The following ZNF18 variants were observed in gnomAD, a reference collection of about 807,000 sequenced individuals.
The protein encoded by ZNF18 is zinc finger protein 18, also known as heart development-specific gene 1 protein.
In ZNF18, 42 loss-of-function variants were observed where a neutral mutation model predicts 58.1. That is an observed-to-expected ratio of 0.72 (90% CI 0.56 to 0.93). ZNF18 has a LOEUF of 0.93. ZNF18 is among the 40% of genes least tolerant of loss of function. The pLI is 0.00. For missense variants in ZNF18, 540 were observed against 644.2 expected, an observed-to-expected ratio of 0.84 and a Z score of 1.75; for synonymous variants, 231 against 239.8, an observed-to-expected ratio of 0.96 and a Z score of 0.34.
At chr17:12,017,460 TGGTGACTGTTCCATCCAAATAGA>T in the ZNF18 span, among the ~76,000 whole-genome samples, 1 of 152,236 alleles carries the variant, frequency 6.6e-6, no homozygotes, top group East Asian at 1.9e-4. Context: ...ATGGAATATC[TGGTGACTGTTCCATCCAAATAGA>T]GGTGTCTGAC....
chr17:11,991,101 T>C lies in ZNF18; in HGVS notation c.450A>G (p.Gln150=). ...LSEKMESPSC[Q]VGEVEPHLEV... The stretch of plus-strand genomic sequence containing the variant: ...CAAGATGGGGCTCCACTTCCCCCAC[T>C]TGGCAGCTTGGAGATTCCATCTTCT... The change falls in exon 3 of 7, where the codon CAA becomes CAG. Residue 150 remains glutamine (Q), a synonymous_variant. Coordinates refer to ENST00000580306, the MANE Select transcript of ZNF18 (RefSeq NM_001303281.2). The C allele has an allele frequency of 1.2e-6, 2 of 1,614,162 alleles. No homozygotes were observed. The highest frequency in any genetic ancestry group is 1.7e-6 in the Non-Finnish European group (2 of 1,180,028).
chr17:11,997,975 G>A (rs975433446), upstream of ZNF18, among the ~76,000 whole-genome samples: 4 of 151,958 alleles, frequency 2.6e-5, no homozygotes, highest in African/African-American at 9.7e-5. Context: ...TGCATCCCCT[G>A]GGTCCTCTCC....
chr17:11,994,738 G>T (rs1968353059), intron 1 of ZNF18, among the ~76,000 whole-genome samples: 1 of 152,194 alleles, frequency 6.6e-6, no homozygotes, highest in Admixed American at 6.5e-5. Context: ...CTACTCGGGA[G>T]GCTGAGGCAG....
Position 11,978,038 on chromosome 17 carries a change from C to T in ZNF18, c.1569G>A (p.Ser523=), listed in dbSNP as rs372916550. 8.7e-6 allele frequency: 14 copies of T among 1,612,232 alleles called. No homozygotes were observed. The Admixed American group carries it at 1.3e-4, about 15-fold the overall frequency. Residue 523 remains serine (S), a synonymous_variant, in exon 7 of 7, where the codon TCG becomes TCA. Coordinates refer to ENST00000580306, the MANE Select transcript of ZNF18 (RefSeq NM_001303281.2). ...TCCAGCTGAAACTTTTCCCACAGTG[C>T]GAACATTTATAAGGTTTCTCTCCAG... ...VHTGEKPYKC[S]HCGKSFSWSS... is the part of the protein sequence containing the mutation.
At chr17:12,000,943 G>C (rs1968645111), upstream of ZNF18, among the ~76,000 whole-genome samples, 1 of 152,160 alleles carries the variant, frequency 6.6e-6, no homozygotes, top group Non-Finnish European at 1.5e-5. Context: ...AAGAAGTTTT[G>C]CTATAAAAAG....
intron 6 of ZNF18, among the ~76,000 whole-genome samples, chr17:11,980,481 C>T (rs189946643): frequency 0.013 from 2,026 of 152,096 alleles, 25 homozygotes; most frequent in Non-Finnish European, 0.02. Context: ...AGTGCAATGG[C>T]GTGATCTTGG....
At chr17:12,021,242 T>G in the ZNF18 span, 3 of 284,076 alleles carry the variant, frequency 1.1e-5, no homozygotes, top group Admixed American at 5.3e-5. Context: ...CCCTGGGCCC[T>G]ACCGGGCTCT....
upstream of ZNF18, chr17:12,002,108 A>T (rs1187677527): frequency 1.3e-5 from 2 of 152,212 alleles, no homozygotes; most frequent in African/African-American, 4.8e-5. Flanking sequence ...ACTAAAAGAT[A>T]TTAACTTTTT....
the ZNF18 span, among the ~76,000 whole-genome samples, chr17:12,018,509 C>T: frequency 6.6e-6 from 1 of 152,112 alleles, no homozygotes; most frequent in African/African-American, 2.4e-5. Flanking sequence ...AGGGCCCACT[C>T]GTATGACCTC....
the ZNF18 span, chr17:12,020,946 C>G: frequency 5.7e-6 from 7 of 1,217,534 alleles, no homozygotes; most frequent in African/African-American, 1.1e-4. Flanking sequence ...GCAGCGGCAC[C>G]CCCGGCCCCG....
intron 6 of ZNF18, among the ~76,000 whole-genome samples, chr17:11,980,936 A>G (rs1967301048): frequency 6.6e-6 from 1 of 152,308 alleles, no homozygotes; most frequent in African/African-American, 2.4e-5. Flanking sequence ...ATTCTTCCAG[A>G]TAACTACTTT....
Position 11,978,021 on chromosome 17 carries a change from A to C in ZNF18, c.1586T>G (p.Phe529Cys). Reference sequence around the variant, plus strand: ...TTTGTCAAGGCTCGAGCTCCAGCTGAAACTTTTCCCACAGTGCGAACATTT... The same window carrying C: ...TTTGTCAAGGCTCGAGCTCCAGCTGCAACTTTTCCCACAGTGCGAACATTT... Reference protein sequence around the residue: ...PYKCSHCGKSFSWSSSLDKHQ... With the variant: ...PYKCSHCGKSCSWSSSLDKHQ... The change falls in exon 7 of 7, where the codon TTC becomes TGC. Residue 529 changes from phenylalanine to cysteine, a missense_variant. Phe to Cys is a radical substitution (Grantham distance 205). Transcript: ENST00000580306. 6.2e-7 allele frequency: 1 copy of C among 1,606,678 alleles called. No individual in the cohort carries two copies. Among genetic ancestry groups the C allele is most frequent in the Non-Finnish European group, 8.5e-7 (1 of 1,176,102 alleles).
At chr17:12,019,227 G>T in the ZNF18 span, among the ~76,000 whole-genome samples, 1 of 151,832 alleles carries the variant, frequency 6.6e-6, no homozygotes, top group African/African-American at 2.4e-5. Flanking sequence ...GCCTCCCAAA[G>T]TGCTGGGATT....
chr17:12,017,767 C>T, the ZNF18 span, among the ~76,000 whole-genome samples: 1 of 151,716 alleles, frequency 6.6e-6, no homozygotes, highest in Non-Finnish European at 1.5e-5. Flanking sequence ...ATCCCAGCTA[C>T]TCGGGAGGCT....
chr17:11,992,877 T>C lies in ZNF18; in HGVS notation c.-48A>G, dbSNP rs755118449. On this transcript the variant is annotated 5_prime_UTR_variant, in exon 2 of 7. Transcript: ENST00000580306. ...TAAGTAAAGTGCTTCTGCAGTGGAA[T>C]TGTCTCCGGCAAGAACTAGGTCTTC... 14 of 1,569,472 alleles carry C rather than the reference T, an allele frequency of 8.9e-6. No homozygotes were observed. Among genetic ancestry groups the C allele is most frequent in the Admixed American group, 7.4e-5 (4 of 54,268 alleles).
At chr17:12,012,557 C>G in the ZNF18 span, among the ~76,000 whole-genome samples, 7 of 152,318 alleles carry the variant, frequency 4.6e-5, no homozygotes, top group East Asian at 1.3e-3. Context: ...TTGAGCTGTG[C>G]CAATGTACAT....
At chr17:12,007,500 G>A in the ZNF18 span, among the ~76,000 whole-genome samples, 2 of 152,102 alleles carry the variant, frequency 1.3e-5, no homozygotes, top group Non-Finnish European at 2.9e-5. Flanking sequence ...GATGCTGCCC[G>A]TGGCCTCCTT....
rs1313448079 is a variant in ZNF18, at chr17:11,983,323, T to G, written c.836A>C (p.Glu279Ala). The G allele has an allele frequency of 6.2e-7, 1 of 1,613,872 alleles. No individual in the cohort carries two copies. The highest frequency in any genetic ancestry group is 8.5e-7 in the Non-Finnish European group (1 of 1,179,866). ...ELAGIYLHVN[E>A]KIPRPTCIGD... ...TATGCAGGTGGGTCTTGGGATCTTCTCATTGACATGAAGGTATATTCCTGC... is the reference window on the plus strand; with the variant it reads ...TATGCAGGTGGGTCTTGGGATCTTCGCATTGACATGAAGGTATATTCCTGC... Residue 279 changes from glutamate (E) to alanine (A), a missense_variant, in exon 6 of 7, where the codon GAG (glutamate) becomes GCG (alanine). By Grantham distance (107) the Glu-to-Ala change is moderately radical. Transcript: ENST00000580306.
chr17:12,009,877 T>C, the ZNF18 span, among the ~76,000 whole-genome samples: 1,173 of 152,314 alleles, frequency 7.7e-3, 21 homozygotes, highest in African/African-American at 0.027. Context: ...TATTAACATA[T>C]ATTCCTAGAA....
Sources: gnomAD v4.1 joint callset for allele counts (sites outside exome capture counted in the v4.1 genomes callset) on GRCh38, gnomAD v4.1.1 for gene constraint, MANE v1.5 for transcripts, NCBI Gene and HGNC (gene_info 2026-07-23, HGNC 2026-07-21) for gene names.